ZNF577: variants seen among roughly 807,000 people sequenced by gnomAD.
ZNF577 encodes the protein zinc finger protein 577.
In ZNF577, 14 loss-of-function variants were observed where a neutral mutation model predicts 13.9. The ratio of observed to expected loss-of-function variants is 1.00; its 90% CI spans 0.66 to 1.57. The LOEUF is 1.57. Among genes scored for constraint, ZNF577 ranks in the 40% most tolerant of loss-of-function variants. ZNF577 has a pLI of 0.00. For missense variants in ZNF577, 555 were observed against 579.2 expected (o/e 0.96, Z 0.43); for synonymous variants, 203 against 202.9 (o/e 1.00, Z 0.00).
At chr19:51,880,213 G>C (rs2084839301) in intron 3 of ZNF577, 110 bp downstream of exon 3, 1 of 1,164,952 alleles carries the variant, frequency 8.6e-7, no homozygotes, top group Non-Finnish European at 1.3e-6. Context: ...AAAAGCCATA[G>C]AAAACATCCC....
chr19:51,846,082 T>A (rs530683033), intron 5 of ZNF577, among the ~76,000 whole-genome samples: 81 of 152,164 alleles, frequency 5.3e-4, no homozygotes, highest in African/African-American at 1.9e-3. Context: ...GGCACTGTCA[T>A]GGCTGACTGC....
At chr19:51,804,736 T>C (rs1170668947), downstream of ZNF577, 2 of 152,142 alleles carry the variant, frequency 1.3e-5, no homozygotes, top group Non-Finnish European at 2.9e-5. Flanking sequence ...GGCGCCACTA[T>C]GTAACCTGCC....
At chr19:51,817,244 T>C (rs1223756121) in intron 9 of ZNF577, among the ~76,000 whole-genome samples, 2 of 152,184 alleles carry the variant, frequency 1.3e-5, no homozygotes, top group Non-Finnish European at 2.9e-5. Context: ...AAGCCTATTA[T>C]GTAAAAATCA....
At chr19:51,864,565 G>C (rs2084538938), downstream of ZNF577, among the ~76,000 whole-genome samples, 1 of 152,180 alleles carries the variant, frequency 6.6e-6, no homozygotes, top group Non-Finnish European at 1.5e-5. Flanking sequence ...ATAACTGTTA[G>C]AGAAAGGAGT....
At chr19:51,865,570 G>A (rs1025222928), downstream of ZNF577, among the ~76,000 whole-genome samples, 14 of 152,146 alleles carry the variant, frequency 9.2e-5, no homozygotes, top group African/African-American at 2.4e-4. Context: ...ATGATGTGTC[G>A]ATTGTGAGAA....
chr19:51,806,421 C>G (rs1213438860), intron 10 of ZNF577, among the ~76,000 whole-genome samples: 2 of 152,212 alleles, frequency 1.3e-5, no homozygotes, highest in Non-Finnish European at 2.9e-5. Context: ...TCCTCTAACA[C>G]TTGCCAATGT....
chr19:51,811,610 G>A (rs1287002602), exon 10 of ZNF577: 1 of 152,220 alleles, frequency 6.6e-6, no homozygotes, highest in Non-Finnish European at 1.5e-5. Context: ...AGTGCCACTT[G>A]TAGAGCCCCT....
chr19:51,843,771 T>C (rs887929168), intron 6 of ZNF577, among the ~76,000 whole-genome samples: 94 of 152,310 alleles, frequency 6.2e-4, no homozygotes, highest in African/African-American at 2.2e-3. Flanking sequence ...CAAGCTAATA[T>C]GTGAGCACAA....
intron 5 of ZNF577, among the ~76,000 whole-genome samples, chr19:51,859,053 T>C (rs2122594688): frequency 6.6e-6 from 1 of 152,322 alleles, no homozygotes; most frequent in East Asian, 1.9e-4. Flanking sequence ...TCTCTATAGA[T>C]TTACCTATTC....
At chr19:51,849,859 T>C (rs763560763) in intron 5 of ZNF577, among the ~76,000 whole-genome samples, 2 of 152,208 alleles carry the variant, frequency 1.3e-5, no homozygotes, top group South Asian at 2.1e-4. Context: ...AGTTTACTTA[T>C]ACAATGGAAT....
At chr19:51,814,198 C>T (rs1292634391) in intron 9 of ZNF577, among the ~76,000 whole-genome samples, 1 of 152,144 alleles carries the variant, frequency 6.6e-6, no homozygotes. Context: ...TCTGCGTCTC[C>T]ACTTGTCTTC....
intron 5 of ZNF577, among the ~76,000 whole-genome samples, chr19:51,857,426 GAAAAGAAAAAAC>G (rs1382966411): frequency 1.1e-4 from 11 of 96,774 alleles, no homozygotes; most frequent in African/African-American, 4.0e-4. Context: ...AAGAAAGAAA[GAAAAGAAAAAAC>G]AAAGAAAGGA....
At chr19:51,809,049 G>C (rs1227665164) in intron 10 of ZNF577, among the ~76,000 whole-genome samples, 1 of 152,164 alleles carries the variant, frequency 6.6e-6, no homozygotes, top group African/African-American at 2.4e-5. Flanking sequence ...TACTGATATT[G>C]GGTTAGGATT....
In ZNF577 at chr19:51,867,199, T is replaced by G. The variant is rs1416068175; in HGVS notation, c.*5333A>C. Reference sequence around the variant, plus strand: ...AATTTTTAAATTACAAATGTATGTATTTCCATTTAATAGTTATTTGTCTTA... The same window carrying G: ...AATTTTTAAATTACAAATGTATGTAGTTCCATTTAATAGTTATTTGTCTTA... On this transcript the variant is annotated 3_prime_UTR_variant, in exon 6 of 6. Transcript: ENST00000638348. Among the ~76,000 whole-genome samples the G allele has an allele frequency of 6.6e-6, 1 of 152,202 alleles. No homozygotes were observed. Among genetic ancestry groups the G allele is most frequent in the Non-Finnish European group, 1.5e-5 (1 of 68,034 alleles).
At chr19:51,860,198 T>G (rs1258648049) in intron 5 of ZNF577, 1 of 152,204 alleles carries the variant, frequency 6.6e-6, no homozygotes, top group Non-Finnish European at 1.5e-5. Flanking sequence ...TGGTAGGATG[T>G]GAAGAAGTGA....
At chr19:51,850,016 G>T (rs1199102125) in intron 5 of ZNF577, among the ~76,000 whole-genome samples, 1 of 152,176 alleles carries the variant, frequency 6.6e-6, no homozygotes, top group East Asian at 1.9e-4. Flanking sequence ...GACAAAATTA[G>T]ACAGAGAACT....
At chr19:51,857,356 A>G (rs2084436270) in intron 5 of ZNF577, among the ~76,000 whole-genome samples, 1 of 113,580 alleles carries the variant, frequency 8.8e-6, no homozygotes, top group African/African-American at 4.3e-5. Context: ...GAGAGAAAGA[A>G]AGAAGGAAGG....
chr19:51,816,073 A>G (rs2084134527), intron 9 of ZNF577, among the ~76,000 whole-genome samples: 1 of 151,810 alleles, frequency 6.6e-6, no homozygotes, highest in Admixed American at 6.6e-5. Context: ...TTAAAAAAAA[A>G]AAAAAAACCC....
chr19:51,844,833 T>C (rs1326587795), exon 6 of ZNF577: 2 of 152,212 alleles, frequency 1.3e-5, no homozygotes, highest in Admixed American at 1.3e-4. Context: ...GCAATTCTGA[T>C]AATGTCTCAT....
Sources: gnomAD v4.1 joint callset for allele counts (sites outside exome capture counted in the v4.1 genomes callset) on GRCh38, gnomAD v4.1.1 for gene constraint, MANE v1.5 for transcripts, NCBI Gene and HGNC (gene_info 2026-07-23, HGNC 2026-07-21) for gene names.